DISP1: variants seen among roughly 807,000 people sequenced by gnomAD.
DISP1 encodes dispatched RND transporter family member 1.
In DISP1, 30 loss-of-function variants were observed where a neutral mutation model predicts 37.3. The observed-to-expected ratio is 0.80, with a 90% CI of 0.60 to 1.09. DISP1 has a LOEUF of 1.09. DISP1 is among the 50% of genes least tolerant of loss of function. DISP1 has a pLI of 0.00. For synonymous variants in DISP1, 634 were observed against 690.2 expected (o/e 0.92, Z 1.28); for missense variants, 1,598 against 1,879.5 (o/e 0.85, Z 2.77).
chr1:222,875,463 A>G (rs1291895722), intron 1 of DISP1, among the ~76,000 whole-genome samples: 1 of 151,790 alleles, frequency 6.6e-6, no homozygotes, highest in Non-Finnish European at 1.5e-5. Context: ...CCCCTTTTAT[A>G]TGTAGGGAAC....
intron 1 of DISP1, among the ~76,000 whole-genome samples, chr1:222,851,809 T>C (rs1186368065): frequency 6.6e-6 from 1 of 151,398 alleles, no homozygotes; most frequent in African/African-American, 2.4e-5. Context: ...GTGTGAAATA[T>C]CCAAGCCAGC....
chr1:222,877,023 A>T (rs1306706422), intron 1 of DISP1, among the ~76,000 whole-genome samples: 1 of 152,226 alleles, frequency 6.6e-6, no homozygotes, highest in Non-Finnish European at 1.5e-5. Flanking sequence ...GCAAAGAGAG[A>T]GAAAGAACCA....
At chr1:223,001,370 C>T (rs1459876206) in intron 8 of DISP1, among the ~76,000 whole-genome samples, 1 of 151,946 alleles carries the variant, frequency 6.6e-6, no homozygotes, top group Non-Finnish European at 1.5e-5. Flanking sequence ...TTGTATATAC[C>T]AATTTAAAAA....
intron 3 of DISP1, among the ~76,000 whole-genome samples, chr1:222,955,277 A>G (rs1179181731): frequency 6.6e-6 from 1 of 151,612 alleles, no homozygotes; most frequent in African/African-American, 2.4e-5. Context: ...GTAGGACGGG[A>G]TTTCACCGTG....
intron 1 of DISP1, among the ~76,000 whole-genome samples, chr1:222,924,143 C>T (rs1672958257): frequency 1.3e-5 from 2 of 152,080 alleles, no homozygotes. Flanking sequence ...TACATATTTC[C>T]AAATTGTTGG....
chr1:222,845,497 C>T (rs910329714), intron 1 of DISP1, among the ~76,000 whole-genome samples: 1 of 152,042 alleles, frequency 6.6e-6, no homozygotes, highest in African/African-American at 2.4e-5. Context: ...GACAAAAATC[C>T]CACAAATATT....
intron 1 of DISP1, among the ~76,000 whole-genome samples, chr1:222,927,139 G>A (rs1055095667): frequency 1.3e-5 from 2 of 150,760 alleles, no homozygotes; most frequent in African/African-American, 2.4e-5. Flanking sequence ...AAGCTAAAGC[G>A]TGTTACATTC....
chr1:222,911,550 G>C (rs1252516491), intron 1 of DISP1, among the ~76,000 whole-genome samples: 1 of 151,756 alleles, frequency 6.6e-6, no homozygotes, highest in Non-Finnish European at 1.5e-5. Context: ...TTTTGTCCAG[G>C]CTGGATTGCA....
chr1:223,003,403 G>A lies in DISP1; in HGVS notation c.2006G>A (p.Cys669Tyr). 6.2e-7 allele frequency: 1 copy of A among 1,614,072 alleles called. No individual in the cohort carries two copies. The highest frequency in any genetic ancestry group is 1.6e-4 in the Middle Eastern group (1 of 6,062). ...CGGTATCTTCTTAATATATTCACTT[G>A]CTTCAAAAAGCCCCAGCAGCAAATA... ...HERYLLNIFT[C>Y]FKKPQQQIYD... The change falls in exon 9 of 9, where the codon TGC becomes TAC. Residue 669 changes from cysteine (C) to tyrosine (Y), a missense_variant. Transcript: ENST00000675850. This position sits in a 1 kb window ranked among gnomAD's most constrained non-coding sequence, Gnocchi z 4.3.
intron 1 of DISP1, among the ~76,000 whole-genome samples, chr1:222,904,622 T>C (rs1431561875): frequency 2.0e-5 from 3 of 151,468 alleles, no homozygotes; most frequent in African/African-American, 7.3e-5. Flanking sequence ...GGCTGGAGCA[T>C]AGTAGCGCGG....
At chr1:222,855,545 C>T (rs997646714) in intron 1 of DISP1, among the ~76,000 whole-genome samples, 1 of 152,124 alleles carries the variant, frequency 6.6e-6, no homozygotes, top group African/African-American at 2.4e-5. Context: ...TATATACTAG[C>T]AGATACAGCT....
chr1:222,936,659 T>A (rs1180639530), intron 2 of DISP1, among the ~76,000 whole-genome samples: 21 of 52,256 alleles, frequency 4.0e-4, no homozygotes, highest in African/African-American at 1.6e-3. Context: ...ATATCTCTCA[T>A]ATATATGAGG....
rs1219044828 is a variant in DISP1, at chr1:223,004,167, G to A, written c.2770G>A (p.Val924Met). 1.9e-6 allele frequency: 3 copies of A among 1,614,190 alleles called. No homozygotes were observed. Among genetic ancestry groups the A allele is most frequent in the Non-Finnish European group, 2.5e-6 (3 of 1,180,022 alleles). ...FDINDTIRAVVLEFQSTYLFT... is the reference protein window; with the variant it reads ...FDINDTIRAVMLEFQSTYLFT... ...TATCAATGATACTATCAGGGCAGTG[G>A]TGTTAGAGTTCCAGAGTACCTACCT... Residue 924 changes from valine (V) to methionine (M), a missense_variant, in exon 9 of 9, where the codon GTG becomes ATG. By Grantham distance (21) the Val-to-Met change is conservative (BLOSUM62 1). Coordinates refer to ENST00000675850, the MANE Select transcript of DISP1 (RefSeq NM_001377229.1). The surrounding 1 kb of genome is among the most constrained non-coding windows in gnomAD (Gnocchi z 4.9).
intron 1 of DISP1, among the ~76,000 whole-genome samples, chr1:222,909,233 A>G (rs1672079318): frequency 6.6e-6 from 1 of 152,176 alleles, no homozygotes; most frequent in Non-Finnish European, 1.5e-5. Flanking sequence ...TATGTAGAGA[A>G]CAGAGGAAGT....
At chr1:222,830,541 C>T (rs114471128) in intron 1 of DISP1, among the ~76,000 whole-genome samples, 2,297 of 152,182 alleles carry the variant, frequency 0.015, 29 homozygotes, top group Non-Finnish European at 0.022. Context: ...TCACCATGCC[C>T]GGCTACTTTT....
intron 1 of DISP1, among the ~76,000 whole-genome samples, chr1:222,853,598 A>C (rs1460593484): frequency 6.6e-6 from 1 of 152,210 alleles, no homozygotes; most frequent in Non-Finnish European, 1.5e-5. Context: ...AGCAACATGG[A>C]TGGAGCTGGA....
At chr1:222,953,503 AG>A (rs1326240192) in intron 3 of DISP1, among the ~76,000 whole-genome samples, 2 of 152,166 alleles carry the variant, frequency 1.3e-5, no homozygotes, top group African/African-American at 4.8e-5. Flanking sequence ...GAGGAGGAAA[AG>A]GGTTGTGAAG....
intron 3 of DISP1, among the ~76,000 whole-genome samples, chr1:222,972,922 G>T (rs946731192): frequency 3.9e-5 from 6 of 152,142 alleles, no homozygotes; most frequent in Non-Finnish European, 7.4e-5. Context: ...CTGGGGAGGG[G>T]GTTGGAAATC....
intron 1 of DISP1, among the ~76,000 whole-genome samples, chr1:222,925,571 T>C (rs1673034267): frequency 6.6e-6 from 1 of 152,160 alleles, no homozygotes; most frequent in African/African-American, 2.4e-5. Context: ...TTTCCTCAAG[T>C]AAATATTTCA....
Sources: gnomAD v4.1 joint callset for allele counts (sites outside exome capture counted in the v4.1 genomes callset) on GRCh38, gnomAD v4.1.1 for gene constraint, Gnocchi (gnomAD v3.1) non-coding constraint, MANE v1.5 for transcripts, NCBI Gene and HGNC (gene_info 2026-07-23, HGNC 2026-07-21) for gene names.